CKMT2: variants seen among roughly 807,000 people sequenced by gnomAD.
The protein encoded by CKMT2 is creatine kinase S-type, mitochondrial.
CKMT2 carries 43 observed loss-of-function variants against 48.9 expected under a neutral mutation model. The observed-to-expected ratio is 0.88, with a 90% CI of 0.69 to 1.13. The LOEUF (loss-of-function observed/expected upper bound fraction) is 1.13, where lower values mean the gene tolerates loss of function less well. CKMT2 is among the 50% of genes most tolerant of loss of function. CKMT2 has a pLI of 0.00. For missense variants in CKMT2, 472 were observed against 555.4 expected (o/e 0.85, Z 1.51); for synonymous variants, 206 against 213.0 (o/e 0.97, Z 0.29).
At chr5:81,254,263 T>A in intron 3 of CKMT2, 133 bp from the exon 4 acceptor site, 1 of 664,240 alleles carries the variant, frequency 1.5e-6, no homozygotes, top group Non-Finnish European at 2.7e-6. Context: ...ATTTCCTATA[T>A]GATAGTCCTG....
intron 1 of CKMT2, among the ~76,000 whole-genome samples, chr5:81,236,305 T>C (rs940844572): frequency 6.6e-6 from 1 of 152,074 alleles, no homozygotes; most frequent in African/African-American, 2.4e-5. Flanking sequence ...TTCCCTCCAA[T>C]TGCTGGTCAG....
chr5:81,255,788 A>G (rs1339519408), intron 5 of CKMT2, among the ~76,000 whole-genome samples: 1 of 151,744 alleles, frequency 6.6e-6, no homozygotes, highest in Non-Finnish European at 1.5e-5. Flanking sequence ...CTAAAACAAG[A>G]TGGCATTTTC....
At chr5:81,233,903 C>T (rs1325316541) in intron 1 of CKMT2, among the ~76,000 whole-genome samples, 1 of 151,380 alleles carries the variant, frequency 6.6e-6, no homozygotes, top group Non-Finnish European at 1.5e-5. Flanking sequence ...CCAGTTTAAA[C>T]GGGCAAATAG....
chr5:81,237,172 C>T (rs530400208), intron 1 of CKMT2, among the ~76,000 whole-genome samples: 33 of 152,128 alleles, frequency 2.2e-4, no homozygotes, highest in African/African-American at 7.7e-4. Context: ...CATTTAAATG[C>T]GAAAAATGTA....
At chr5:81,254,958 G>C in intron 4 of CKMT2, 35 bp from the exon 5 acceptor site, 1 of 1,574,714 alleles carries the variant, frequency 6.4e-7, no homozygotes, top group Non-Finnish European at 8.7e-7. Flanking sequence ...CATGGTCCGA[G>C]GCTGGCCACA....
intron 3 of CKMT2, among the ~76,000 whole-genome samples, 185 bp from the exon 4 acceptor site, chr5:81,254,205 CTTGTTG>C (rs112071184): frequency 1.5e-3 from 232 of 152,184 alleles, no homozygotes; most frequent in African/African-American, 5.0e-3. Flanking sequence ...GGCTTTCTCT[CTTGTTG>C]TTGTTGTTGT....
intron 1 of CKMT2, among the ~76,000 whole-genome samples, chr5:81,242,805 A>G (rs1756481561): frequency 6.6e-6 from 1 of 152,188 alleles, no homozygotes; most frequent in Non-Finnish European, 1.5e-5. Flanking sequence ...TGGAACTTCC[A>G]TATCTATTTT....
chr5:81,246,797 G>A (rs28482890), intron 1 of CKMT2: 2,683 of 152,286 alleles, frequency 0.018, 71 homozygotes, highest in African/African-American at 0.06. Context: ...GAAGAAACAC[G>A]GGCAGCAGCG....
At chr5:81,258,832 C>T (rs1022198899) in intron 7 of CKMT2, among the ~76,000 whole-genome samples, 20 of 152,290 alleles carry the variant, frequency 1.3e-4, no homozygotes, top group Non-Finnish European at 1.9e-4. Flanking sequence ...TCCCTCCCTA[C>T]GATCTGTGGA....
chr5:81,235,170 C>A (rs974937209), intron 1 of CKMT2, among the ~76,000 whole-genome samples: 1 of 152,170 alleles, frequency 6.6e-6, no homozygotes, highest in Non-Finnish European at 1.5e-5. Context: ...CTAGGAAAGG[C>A]CTCTGTTTTA....
chr5:81,247,181 G>A (rs578132145), intron 1 of CKMT2, among the ~76,000 whole-genome samples: 6 of 152,274 alleles, frequency 3.9e-5, no homozygotes, highest in East Asian at 1.9e-4. Flanking sequence ...AGTTCAGTAC[G>A]TTATGATAAT....
rs745856888 is a variant in CKMT2 at position 81,256,949 on chromosome 5, T to C, written c.704T>C (p.Leu235Ser). The change falls in exon 6 of 10, where the codon TTA (leucine) becomes TCA (serine). Residue 235 changes from leucine to serine, a missense_variant. Physicochemically the swap from Leu to Ser is moderately radical, Grantham distance 145. Coordinates refer to ENST00000254035, the MANE Select transcript of CKMT2 (RefSeq NM_001099735.2). ...HFLFDKPVSP[L>S]LTCAGMARDW... is the part of the protein sequence containing the mutation. ...CTGTTTGATAAGCCAGTGTCCCCTT[T>C]ATTAACATGTGCTGGGATGGCCCGT... is the stretch of plus-strand genomic sequence containing the variant. The C allele has an allele frequency of 6.2e-7, 1 of 1,614,138 alleles. No homozygotes were observed. Among genetic ancestry groups the C allele is most frequent in the Non-Finnish European group, 8.5e-7 (1 of 1,179,990 alleles).
At chr5:81,248,505 C>T (rs908870721) in intron 1 of CKMT2, among the ~76,000 whole-genome samples, 1 of 152,126 alleles carries the variant, frequency 6.6e-6, no homozygotes, top group African/African-American at 2.4e-5. Context: ...AGCACTGGTG[C>T]AGCTCACTGA....
At chr5:81,236,425 G>A (rs780025670) in intron 1 of CKMT2, among the ~76,000 whole-genome samples, 7 of 152,098 alleles carry the variant, frequency 4.6e-5, no homozygotes, top group Non-Finnish European at 8.8e-5. Flanking sequence ...CTGAAACCTG[G>A]GGCAGGTCAC....
At position 81,233,325 on chromosome 5, in the gene CKMT2, T is replaced by C. The variant is rs940460534; in HGVS notation, c.-73T>C. ...GCCGGCCCGACCAGCTCGCCCTGCA[T>C]ACACTTCTTGGCTGTGTGCGCTCAG... On this transcript the variant is annotated 5_prime_UTR_variant, in exon 1 of 10. Coordinates refer to ENST00000254035, the MANE Select transcript of CKMT2 (RefSeq NM_001099735.2). The C allele has an allele frequency of 1.0e-6, 1 of 985,858 alleles. No individual in the cohort carries two copies. The highest frequency in any genetic ancestry group is 1.2e-6 in the Non-Finnish European group (1 of 830,276). The allele number at this position is 985,858 out of a possible 1,614,324, so 61.1% of individuals were successfully genotyped here.
chr5:81,247,642 A>G (rs1756656988), intron 1 of CKMT2, among the ~76,000 whole-genome samples: 1 of 152,250 alleles, frequency 6.6e-6, no homozygotes, highest in African/African-American at 2.4e-5. Context: ...GAGAGCATGG[A>G]ACAGCCATTG....
chr5:81,259,139 A>G lies in CKMT2; in HGVS notation c.899A>G (p.Glu300Gly). Residue 300 changes from glutamate to glycine, a missense_variant, in exon 8 of 10, where the codon GAA becomes GGA. Transcript: ENST00000254035. ...TTGTAGGTAGAACGGTTAATCCAAG[A>G]ACGAGGCTGGGAGTTCATGTGGAAT... Reference protein sequence around the residue: ...GLKEVERLIQERGWEFMWNER... With the variant: ...GLKEVERLIQGRGWEFMWNER... 5 of 1,613,456 alleles carry G rather than the reference A, an allele frequency of 3.1e-6. No individual in the cohort carries two copies. The highest frequency in any genetic ancestry group is 4.2e-6 in the Non-Finnish European group (5 of 1,179,684).
Position 81,257,822 on chromosome 5 carries a change from G to T in CKMT2, c.845G>T (p.Arg282Leu), listed in dbSNP as rs751778272. The T allele has an allele frequency of 1.6e-5, 26 of 1,613,552 alleles. No homozygotes were observed. In the Admixed American group the frequency reaches 3.8e-4, roughly 24 times the overall value. ...ATGGAAAAAGGAGGCAATATGAAACGAGTATTTGAGCGATTCTGTCGTGGA... is the reference window on the plus strand; with the variant it reads ...ATGGAAAAAGGAGGCAATATGAAACTAGTATTTGAGCGATTCTGTCGTGGA... ...ISMEKGGNMKRVFERFCRGLK... is the reference protein window; with the variant it reads ...ISMEKGGNMKLVFERFCRGLK... Residue 282 changes from arginine to leucine, a missense_variant, in exon 7 of 10, where the codon CGA becomes CTA. Coordinates refer to ENST00000254035, the MANE Select transcript of CKMT2 (RefSeq NM_001099735.2).
chr5:81,242,287 T>C, intron 1 of CKMT2: 1 of 311,570 alleles, frequency 3.2e-6, no homozygotes, highest in South Asian at 3.4e-5. Flanking sequence ...GTAGATTTCA[T>C]TCAAAAGTTT....
Sources: allele counts gnomAD v4.1 joint callset (sites outside exome capture counted in the v4.1 genomes callset), GRCh38; gene constraint gnomAD v4.1.1; transcripts MANE v1.5; gene names NCBI Gene and HGNC (gene_info 2026-07-23, HGNC 2026-07-21).